The following SLC29A3 variants were observed in gnomAD, a reference collection of about 807,000 sequenced individuals.
The protein encoded by SLC29A3 is equilibrative nucleoside transporter 3.
In SLC29A3, 18 loss-of-function variants were observed where a neutral mutation model predicts 25.4. That is an observed-to-expected ratio of 0.71 (90% CI 0.49 to 1.05). SLC29A3 has a LOEUF of 1.05. SLC29A3 is among the 50% of genes least tolerant of loss of function. The pLI is 0.00. For synonymous variants in SLC29A3, 258 were observed against 267.1 expected, an observed-to-expected ratio of 0.97 and a Z score of 0.33; for missense variants, 586 against 609.0, an observed-to-expected ratio of 0.96 and a Z score of 0.40.
At chr10:71,351,372 A>G (rs2131838635) in intron 3 of SLC29A3, among the ~76,000 whole-genome samples, 190 bp from the exon 4 acceptor site, 1 of 152,342 alleles carries the variant, frequency 6.6e-6, no homozygotes, top group East Asian at 1.9e-4. Flanking sequence ...AACCAGAGCA[A>G]CTGAGTCCCT....
chr10:71,342,837 A>G (rs185364883), intron 2 of SLC29A3, among the ~76,000 whole-genome samples: 1 of 152,354 alleles, frequency 6.6e-6, no homozygotes, highest in East Asian at 1.9e-4. Flanking sequence ...GGACCTCACT[A>G]GCTGCGATTA....
chr10:71,374,345 C>T (rs570764793), intron 3 of SLC29A3, among the ~76,000 whole-genome samples: 1 of 152,288 alleles, frequency 6.6e-6, no homozygotes, highest in East Asian at 1.9e-4. Context: ...TCAGGACATG[C>T]GTGACAGATG....
intron 3 of SLC29A3, among the ~76,000 whole-genome samples, chr10:71,347,825 TCCTGC>T (rs1363885825): frequency 6.6e-6 from 1 of 152,164 alleles, no homozygotes; most frequent in Non-Finnish European, 1.5e-5. Flanking sequence ...TCCCCAACTT[TCCTGC>T]CCTGGGGGTA....
chr10:71,355,388 A>G (rs1289213069), intron 4 of SLC29A3, among the ~76,000 whole-genome samples: 1 of 152,152 alleles, frequency 6.6e-6, no homozygotes, highest in Non-Finnish European at 1.5e-5. Context: ...GGCAAGGAGA[A>G]CATTCCATGT....
In SLC29A3 at chr10:71,319,320, G is replaced by A. The variant is rs930189753; in HGVS notation, c.1+10G>A. On this transcript the variant is annotated intron_variant, in intron 1 of 5. Coordinates refer to ENST00000373189, the MANE Select transcript of SLC29A3 (RefSeq NM_018344.6). Reference sequence around the variant, plus strand: ...TGGCGCAGCGGCGACAGTAAGTGCGGGCCGGCTCGGGCTCTTCCGGCTACG... The same window carrying A: ...TGGCGCAGCGGCGACAGTAAGTGCGAGCCGGCTCGGGCTCTTCCGGCTACG... 1.5e-6 allele frequency: 1 copy of A among 646,844 alleles called. No individual in the cohort carries two copies. The highest frequency in any genetic ancestry group is 2.8e-6 in the Non-Finnish European group (1 of 360,024). 40.1% of individuals were successfully genotyped at this position (646,844 alleles called of 1,614,324 possible).
rs1037066935 is a variant in SLC29A3 at position 71,344,087 on chromosome 10, T to A, written c.301-122T>A. On this transcript the variant is annotated intron_variant, in intron 2 of 5. Coordinates refer to ENST00000373189, the MANE Select transcript of SLC29A3 (RefSeq NM_018344.6). Reference sequence around the variant, plus strand: ...GTTTGGAGGTGGGCTCACCCACGGCTCCTGGGTGTCTGAAGACAGTGGGGA... The same window carrying A: ...GTTTGGAGGTGGGCTCACCCACGGCACCTGGGTGTCTGAAGACAGTGGGGA... 18 of 828,068 alleles carry A rather than the reference T, an allele frequency of 2.2e-5. No homozygotes were observed. The African/African-American group carries it at 2.7e-4, about 12-fold the overall frequency. 51.3% of individuals were successfully genotyped at this position (828,068 alleles called of 1,614,324 possible). A position where few individuals can be genotyped will look rare whatever the true frequency, so the allele number is the denominator to read the frequency against.
chr10:71,357,866 A>G (rs991506025), intron 5 of SLC29A3, among the ~76,000 whole-genome samples: 1 of 152,186 alleles, frequency 6.6e-6, no homozygotes, highest in African/African-American at 2.4e-5. Flanking sequence ...TCCCCATTTA[A>G]CAGGTGAGGA....
At chr10:71,365,987 T>A (rs1437200314), downstream of SLC29A3, 2 of 152,202 alleles carry the variant, frequency 1.3e-5, no homozygotes, top group Non-Finnish European at 2.9e-5. Context: ...CTTTTTAATT[T>A]TTAATGTTTT....
chr10:71,373,256 A>G (rs1008890384), intron 3 of SLC29A3, among the ~76,000 whole-genome samples: 3 of 152,222 alleles, frequency 2.0e-5, no homozygotes, highest in Non-Finnish European at 4.4e-5. Context: ...CGAATGCAGA[A>G]CTCTGGCCTT....
chr10:71,369,682 G>A (rs1156925048), intron 3 of SLC29A3, among the ~76,000 whole-genome samples: 2 of 152,164 alleles, frequency 1.3e-5, no homozygotes, highest in African/African-American at 4.8e-5. Flanking sequence ...GGATGAGTGT[G>A]GTCTACATCA....
At chr10:71,374,464 C>T (rs554290131) in intron 3 of SLC29A3, among the ~76,000 whole-genome samples, 15 of 152,314 alleles carry the variant, frequency 9.8e-5, no homozygotes, top group African/African-American at 3.6e-4. Flanking sequence ...GAAGATAGAG[C>T]TCCATTCTGC....
At chr10:71,357,243 A>G (rs1446997307) in intron 5 of SLC29A3, among the ~76,000 whole-genome samples, 2 of 151,964 alleles carry the variant, frequency 1.3e-5, no homozygotes, top group African/African-American at 4.8e-5. Flanking sequence ...GTGAAACCCC[A>G]TCTCTACTAA....
At chr10:71,326,260 A>C (rs562998001) in intron 2 of SLC29A3, among the ~76,000 whole-genome samples, 1 of 152,202 alleles carries the variant, frequency 6.6e-6, no homozygotes, top group Non-Finnish European at 1.5e-5. Flanking sequence ...TAATACCACC[A>C]CCAACTTCTT....
intron 1 of SLC29A3, 97 bp from the exon 2 acceptor site, chr10:71,322,659 G>A: frequency 2.1e-6 from 3 of 1,400,220 alleles, no homozygotes; most frequent in Non-Finnish European, 1.0e-6. Flanking sequence ...GGGTGAGGGG[G>A]CATGGTCATT....
intron 3 of SLC29A3, among the ~76,000 whole-genome samples, chr10:71,368,949 G>A (rs145794386): frequency 6.6e-6 from 1 of 152,350 alleles, no homozygotes; most frequent in African/African-American, 2.4e-5. Flanking sequence ...ACAGATGAAT[G>A]TTTGTGTCCT....
chr10:71,340,101 G>A (rs1846360023), intron 2 of SLC29A3, among the ~76,000 whole-genome samples: 1 of 152,182 alleles, frequency 6.6e-6, no homozygotes, highest in South Asian at 2.1e-4. Context: ...CCAGCCTAAG[G>A]GTCTCCTGCC....
chr10:71,358,004 G>A (rs1427311886), intron 5 of SLC29A3, among the ~76,000 whole-genome samples: 2 of 152,212 alleles, frequency 1.3e-5, no homozygotes, highest in African/African-American at 2.4e-5. Flanking sequence ...AAGCTAAGCA[G>A]TTTATGTGTA....
chr10:71,343,636 A>G (rs1846474400), intron 2 of SLC29A3, among the ~76,000 whole-genome samples: 2 of 152,182 alleles, frequency 1.3e-5, no homozygotes, highest in Non-Finnish European at 2.9e-5. Context: ...GTGGCAAGAA[A>G]GCGAGAATGT....
In SLC29A3 at chr10:71,362,510, G is replaced by T. The variant is rs267607056; in HGVS notation, c.1330G>T (p.Glu444Ter). 24 of 1,614,186 alleles carry T rather than the reference G, an allele frequency of 1.5e-5. 1 individual carries two copies. The South Asian group carries it at 2.5e-4, about 17-fold the overall frequency. Reference sequence around the variant, plus strand: ...CTACGGGCCTAAGATTGTGCCCAGGGAGCTGGCTGAGGCCACGGGAGTGGT... The same window carrying T: ...CTACGGGCCTAAGATTGTGCCCAGGTAGCTGGCTGAGGCCACGGGAGTGGT... Reference protein sequence around the residue: ...LLYGPKIVPRELAEATGVVMS... With the variant: ...LLYGPKIVPR Residue 444 changes from glutamate to a stop codon, truncating the protein, a stop_gained, in exon 6 of 6, where the codon GAG (glutamate) becomes TAG (stop). Coordinates refer to ENST00000373189, the MANE Select transcript of SLC29A3 (RefSeq NM_018344.6). LOFTEE classifies it high-confidence loss of function.
Sources: gnomAD v4.1 joint callset for allele counts (sites outside exome capture counted in the v4.1 genomes callset) on GRCh38, gnomAD v4.1.1 for gene constraint, MANE v1.5 for transcripts, NCBI Gene and HGNC (gene_info 2026-07-23, HGNC 2026-07-21) for gene names.